SDE2: variants seen among roughly 807,000 people sequenced by gnomAD.
SDE2 encodes the protein splicing regulator SDE2.
Under a neutral mutation model 46.9 loss-of-function variants are expected in SDE2, and 31 were observed. The observed-to-expected ratio is 0.66, with a 90% CI of 0.50 to 0.89. The LOEUF is 0.89. SDE2 is among the 40% of genes least tolerant of loss of function. The probability of loss-of-function intolerance (pLI) is 0.00; values close to 1 mark genes in which losing one functional copy is unlikely to be tolerated. For synonymous variants in SDE2, 205 were observed against 204.3 expected (o/e 1.00, Z -0.03); for missense variants, 542 against 564.4 (o/e 0.96, Z 0.40).
chr1:225,990,923 A>G (rs574209266), intron 5 of SDE2, among the ~76,000 whole-genome samples: 4 of 152,154 alleles, frequency 2.6e-5, no homozygotes, highest in Non-Finnish European at 5.9e-5. Flanking sequence ...AACCACCTGG[A>G]AAGTACAGCT....
chr1:225,985,086 T>C lies in SDE2; in HGVS notation c.*216A>G, dbSNP rs938240314. The C allele has an allele frequency of 3.6e-6, 2 of 559,880 alleles. No homozygotes were observed. The highest frequency in any genetic ancestry group is 6.3e-6 in the Non-Finnish European group (2 of 315,716). The allele number at this position is 559,880 out of a possible 1,614,324, so 34.7% of individuals were successfully genotyped here. ...AAAAATGTGAATAGCCCTATATTTA[T>C]TAAATACACTATAGAAAACCAGACA... On this transcript the variant is annotated 3_prime_UTR_variant, in exon 7 of 7. Transcript: ENST00000272091.
chr1:225,992,992 A>C lies in SDE2; in HGVS notation c.249T>G (p.Ser83=). The change falls in exon 3 of 7, where the codon TCT becomes TCG. Residue 83 remains serine (S), a synonymous_variant. Coordinates refer to ENST00000272091, the MANE Select transcript of SDE2 (RefSeq NM_152608.4). ...TCTGAGCACCAAGTGCTCGGAGCATAGATCCAAAACCTGAGCAGATGTATT... is the reference window on the plus strand; with the variant it reads ...TCTGAGCACCAAGTGCTCGGAGCATCGATCCAAAACCTGAGCAGATGTATT... ...RLCGGKGGFG[S]MLRALGAQIE... 9 of 1,600,482 alleles carry C rather than the reference A, an allele frequency of 5.6e-6. No individual in the cohort carries two copies. Among genetic ancestry groups the C allele is most frequent in the Non-Finnish European group, 7.7e-6 (9 of 1,167,716 alleles).
In SDE2 at chr1:225,985,375, G is replaced by C; in HGVS notation, c.1283C>G (p.Ser428Cys). ...TTGCTCCTTTGCCAGTCCTCTGACA[G>C]AGAAGAGTCTTGCTGCCCGCTCCTG... ...TLQERAARLF[S>C]VRGLAKEQID... The change falls in exon 7 of 7, where the codon TCT (serine) becomes TGT (cysteine). Residue 428 changes from serine to cysteine, a missense_variant. Transcript: ENST00000272091. 6.2e-7 allele frequency: 1 copy of C among 1,614,228 alleles called. No individual in the cohort carries two copies. The highest frequency in any genetic ancestry group is 1.3e-5 in the African/African-American group (1 of 75,054).
chr1:225,985,165 G>A lies in SDE2; in HGVS notation c.*137C>T. On this transcript the variant is annotated 3_prime_UTR_variant, in exon 7 of 7. Coordinates refer to ENST00000272091, the MANE Select transcript of SDE2 (RefSeq NM_152608.4). Reference sequence around the variant, plus strand: ...GACATTAATTCTACAGCCCTGACAAGGAAAAAGGGGATAGTTAGAATTGGG... The same window carrying A: ...GACATTAATTCTACAGCCCTGACAAAGAAAAAGGGGATAGTTAGAATTGGG... 1 of 658,720 alleles carries A rather than the reference G, an allele frequency of 1.5e-6. No homozygotes were observed. The allele number at this position is 658,720 out of a possible 1,614,324, so 40.8% of individuals were successfully genotyped here.
Position 225,984,171 on chromosome 1 carries a change from CAGGAGGCAG to C in SDE2, c.*1122_*1130del, listed in dbSNP as rs1199163600. On this transcript the variant is annotated 3_prime_UTR_variant, in exon 7 of 7. Coordinates refer to ENST00000272091, the MANE Select transcript of SDE2 (RefSeq NM_152608.4). Reference sequence around the variant, plus strand: ...CTGAGGCAGGAGAATCGCTTGAACCCAGGAGGCAGAGGTTGCAGTGAGCTGAGATCGTAC... The same window carrying C: ...CTGAGGCAGGAGAATCGCTTGAACCCAGGTTGCAGTGAGCTGAGATCGTAC... 1 of 151,636 alleles carries C rather than the reference CAGGAGGCAG, an allele frequency of 6.6e-6. No homozygotes were observed. The highest frequency in any genetic ancestry group is 1.5e-5 in the Non-Finnish European group (1 of 67,914). The allele number at this position is 151,636 out of a possible 1,614,324, so 9.4% of individuals were successfully genotyped here. A position where few individuals can be genotyped will look rare whatever the true frequency, so the allele number is the denominator to read the frequency against.
intron 2 of SDE2, 68 bp downstream of exon 2, chr1:225,995,198 G>C (rs1236626619): frequency 3.6e-5 from 29 of 815,364 alleles, no homozygotes; most frequent in South Asian, 2.8e-4. Context: ...GTCAGCAGCA[G>C]AATATGAAAA....
Position 225,992,768 on chromosome 1 carries a change from TAATA to T in SDE2, c.350+119_350+122del, listed in dbSNP as rs1656431498. ...AAATTATGGAAAAGGTTAAATCTGA[TAATA>T]AATTTGGATGTAAATATTTTAAGTT... On this transcript the variant is annotated intron_variant, in intron 3 of 6. Coordinates refer to ENST00000272091, the MANE Select transcript of SDE2 (RefSeq NM_152608.4). 8 of 689,656 alleles carry T rather than the reference TAATA, an allele frequency of 1.2e-5. No individual in the cohort carries two copies. In the Admixed American group the frequency reaches 2.0e-4, roughly 17 times the overall value. The allele number at this position is 689,656 out of a possible 1,614,324, so 42.7% of individuals were successfully genotyped here.
chr1:225,995,188 G>A (rs557878956), intron 2 of SDE2, 78 bp downstream of exon 2: 2 of 760,142 alleles, frequency 2.6e-6, no homozygotes. Flanking sequence ...GACAGCAAAT[G>A]TCAGCAGCAG....
At chr1:225,995,442 A>G in intron 1 of SDE2, 59 bp from the exon 2 acceptor site, 1 of 864,702 alleles carries the variant, frequency 1.2e-6, no homozygotes, top group South Asian at 1.4e-5. Context: ...AGTTTGTTAC[A>G]AGAAGGGACC....
At chr1:225,986,994 G>A (rs1656282830) in intron 6 of SDE2, among the ~76,000 whole-genome samples, 2 of 152,204 alleles carry the variant, frequency 1.3e-5, no homozygotes. Context: ...CCAGTCCATT[G>A]TAGATAGTGA....
chr1:225,992,314 T>C, intron 4 of SDE2, 84 bp downstream of exon 4: 1 of 927,876 alleles, frequency 1.1e-6, no homozygotes, highest in Middle Eastern at 2.4e-4. Flanking sequence ...GCTTAAGAAC[T>C]GCTCTTTGTG....
rs752211409 is a variant in SDE2, at chr1:225,987,988, T to C, written c.1042A>G (p.Arg348Gly). ...TCAGCAACTCTTTCCCCATCAGTCC[T>C]TTCTTCTGTCTCTTTATCCTTATTC... is the stretch of plus-strand genomic sequence containing the variant. Reference protein sequence around the residue: ...GLNKDKETEERTDGERVAEVA... With the variant: ...GLNKDKETEEGTDGERVAEVA... The change falls in exon 6 of 7, where the codon AGG (arginine) becomes GGG (glycine). Residue 348 changes from arginine to glycine, a missense_variant. Physicochemically the swap from Arg to Gly is moderately radical, Grantham distance 125. This residue lies in a region of SDE2 where 401 missense variants were observed against 437.8 expected (regional missense o/e 0.92). Transcript: ENST00000272091. 31 of 1,614,212 alleles carry C rather than the reference T, an allele frequency of 1.9e-5. No homozygotes were observed. The Middle Eastern group carries it at 4.9e-4, about 26-fold the overall frequency.
Position 225,991,530 on chromosome 1 carries a change from G to T in SDE2, c.521-167C>A, listed in dbSNP as rs151015338. ...TCTCAAATTTACACAGATTTAAAAT[G>T]ATAAACATTCTAGTCTAGGAGCAGA... On this transcript the variant is annotated intron_variant, in intron 4 of 6. Coordinates refer to ENST00000272091, the MANE Select transcript of SDE2 (RefSeq NM_152608.4). Among the ~76,000 whole-genome samples the T allele has an allele frequency of 9.0e-4, 137 of 151,692 alleles. 1 individual carries two copies. In the Middle Eastern group the frequency reaches 0.01, roughly 11 times the overall value.
At chr1:225,999,151 G>A (rs1253876466) in intron 1 of SDE2, 42 bp downstream of exon 1, 5 of 1,553,166 alleles carry the variant, frequency 3.2e-6, no homozygotes, top group Admixed American at 1.7e-5. Context: ...GCTGCCACCT[G>A]TCTGCCTCTT....
At chr1:225,999,124 C>G in intron 1 of SDE2, 69 bp downstream of exon 1, 1 of 1,326,784 alleles carries the variant, frequency 7.5e-7, no homozygotes, top group Non-Finnish European at 1.1e-6. Context: ...CCCGGACAGA[C>G]CTACTCCGCA....
In SDE2 at chr1:225,985,254, T is replaced by C. The variant is rs753982107; in HGVS notation, c.*48A>G. 6.3e-6 allele frequency: 9 copies of C among 1,439,472 alleles called. No individual in the cohort carries two copies. The highest frequency in any genetic ancestry group is 8.8e-6 in the Non-Finnish European group (9 of 1,021,082). The allele number at this position is 1,439,472 out of a possible 1,614,324, so 89.2% of individuals were successfully genotyped here. The stretch of plus-strand genomic sequence containing the variant: ...GGTCAAGAGTCCACATTATGCAGGT[T>C]GTAAATGGTAGACACTATAAACAAA... On this transcript the variant is annotated 3_prime_UTR_variant, in exon 7 of 7. Transcript: ENST00000272091.
chr1:225,999,050 C>G (rs576139363), intron 1 of SDE2, 143 bp downstream of exon 1: 2 of 671,146 alleles, frequency 3.0e-6, no homozygotes, highest in African/African-American at 3.7e-5. Flanking sequence ...ATTCGAAGCA[C>G]CTTAACACTG....
rs1477171982 is a variant in SDE2 at position 225,995,266 on chromosome 1, C to A, written c.238G>T (p.Gly80Cys). The A allele has an allele frequency of 5.2e-6, 8 of 1,535,810 alleles. No individual in the cohort carries two copies. The highest frequency in any genetic ancestry group is 7.2e-6 in the Non-Finnish European group (8 of 1,110,342). ...LEPRLCGGKG[G>C]FGSMLRALGA... ...TAAGTAGTCAATGTTCAGGTCCTAC[C>A]TCCTTTTCCACCGCAAAGTCTGGGT... Residue 80 changes from glycine (G) to cysteine (C), a missense_variant and splice_region_variant, in exon 2 of 7, where the codon GGT becomes TGT. Around this residue, in one of 3 missense-constraint regions of SDE2, gnomAD observed 135 missense variants for 106.5 expected, o/e 1.27. Transcript: ENST00000272091.
intron 4 of SDE2, among the ~76,000 whole-genome samples, chr1:225,991,867 A>T (rs1356878395): frequency 2.6e-5 from 4 of 152,200 alleles, no homozygotes; most frequent in African/African-American, 4.8e-5. Context: ...CTAAACACAA[A>T]CAAAAAATTT....
Sources: allele counts gnomAD v4.1 joint callset (sites outside exome capture counted in the v4.1 genomes callset), GRCh38; gene constraint gnomAD v4.1.1; regional missense constraint gnomAD v4.1.1; transcripts MANE v1.5; gene names NCBI Gene and HGNC (gene_info 2026-07-23, HGNC 2026-07-21).